Variants in FOXN3 observed in about 807,000 individuals in gnomAD.
FOXN3 encodes forkhead box protein N3.
In FOXN3, 7 loss-of-function variants were observed where a neutral mutation model predicts 38.4. The ratio of observed to expected loss-of-function variants is 0.18; its 90% CI spans 0.10 to 0.34. FOXN3 has a LOEUF of 0.34. Ranked by LOEUF, FOXN3 falls within the 10% of genes least tolerant of loss-of-function variation. The pLI is 1.00. For synonymous variants in FOXN3, 230 were observed against 242.2 expected, an observed-to-expected ratio of 0.95 and a Z score of 0.47; for missense variants, 456 against 613.4, an observed-to-expected ratio of 0.74 and a Z score of 2.71.
chr14:89,419,075 A>G (rs1891838092), upstream of FOXN3: 1 of 454,948 alleles, frequency 2.2e-6, no homozygotes, highest in Non-Finnish European at 4.4e-6. Flanking sequence ...GCCAAAGGTG[A>G]TTGTACATGG....
intron 4 of FOXN3, among the ~76,000 whole-genome samples, chr14:89,233,052 C>T (rs1884866131): frequency 6.6e-6 from 1 of 152,190 alleles, no homozygotes; most frequent in South Asian, 2.1e-4. Context: ...TCCTTTATGT[C>T]TTACTGATAG....
At chr14:89,231,739 G>A (rs1183083912) in intron 4 of FOXN3, among the ~76,000 whole-genome samples, 2 of 152,112 alleles carry the variant, frequency 1.3e-5, no homozygotes, top group African/African-American at 2.4e-5. Flanking sequence ...GCTCCAAATC[G>A]GACCTGCCTA....
At chr14:89,387,031 TGGATCACTTGAGGTCA>T (rs1474856588) in intron 2 of FOXN3, among the ~76,000 whole-genome samples, 1 of 152,070 alleles carries the variant, frequency 6.6e-6, no homozygotes, top group East Asian at 1.9e-4. Flanking sequence ...CCGAGGCAGG[TGGATCACTTGAGGTCA>T]GGAGTTCAAG....
chr14:89,601,877 A>G (rs1395510096), intron 1 of FOXN3, among the ~76,000 whole-genome samples: 1 of 152,156 alleles, frequency 6.6e-6, no homozygotes, highest in Non-Finnish European at 1.5e-5. Context: ...ACCTCAACAA[A>G]TATTTCCAGG....
At chr14:89,558,325 T>C (rs1162995472) in intron 1 of FOXN3, among the ~76,000 whole-genome samples, 2 of 152,124 alleles carry the variant, frequency 1.3e-5, no homozygotes, top group Non-Finnish European at 2.9e-5. Flanking sequence ...AGCCTGGACA[T>C]GATGACCGAA....
chr14:89,415,847 T>TACACAC (rs5810462), intron 1 of FOXN3, among the ~76,000 whole-genome samples: 3,194 of 140,476 alleles, frequency 0.023, 75 homozygotes, highest in East Asian at 0.079. Flanking sequence ...AACTTTTCTC[T>TACACAC]ACACACACAC....
At chr14:89,596,340 T>C (rs537887668) in intron 1 of FOXN3, among the ~76,000 whole-genome samples, 1 of 152,138 alleles carries the variant, frequency 6.6e-6, no homozygotes, top group Non-Finnish European at 1.5e-5. Flanking sequence ...TTTCACCATA[T>C]TGGCCAGGCT....
intron 4 of FOXN3, among the ~76,000 whole-genome samples, chr14:89,219,585 T>A (rs1157782088): frequency 2.6e-5 from 4 of 152,148 alleles, no homozygotes; most frequent in Non-Finnish European, 4.4e-5. Context: ...TCATCAAACA[T>A]CTGGCGAGTG....
intron 2 of FOXN3, among the ~76,000 whole-genome samples, chr14:89,371,911 G>A (rs145750581): frequency 1.3e-5 from 2 of 152,002 alleles, no homozygotes; most frequent in Non-Finnish European, 2.9e-5. Context: ...ACCCGTTCAG[G>A]TCCCGGGGGG....
chr14:89,422,383 C>A (rs1891932720), intron 1 of FOXN3, among the ~76,000 whole-genome samples: 1 of 152,158 alleles, frequency 6.6e-6, no homozygotes, highest in Non-Finnish European at 1.5e-5. Flanking sequence ...TCTGTGGACC[C>A]ACTTCAAGAC....
chr14:89,302,076 G>A (rs1222336445), intron 3 of FOXN3, among the ~76,000 whole-genome samples: 1 of 152,144 alleles, frequency 6.6e-6, no homozygotes, highest in East Asian at 1.9e-4. Context: ...CGAAATGGTT[G>A]GGAAGGCCAA....
At chr14:89,587,012 A>G (rs1895855195) in intron 1 of FOXN3, among the ~76,000 whole-genome samples, 1 of 152,274 alleles carries the variant, frequency 6.6e-6, no homozygotes. Flanking sequence ...GATCTCTTTT[A>G]AAGAACTGGC....
chr14:89,162,465 G>A lies in FOXN3; in HGVS notation c.1356C>T (p.Thr452=), dbSNP rs751164977. 3.7e-6 allele frequency: 6 copies of A among 1,600,622 alleles called. No individual in the cohort carries two copies. Among genetic ancestry groups the A allele is most frequent in the Admixed American group, 3.5e-5 (2 of 56,984 alleles). Residue 452 remains threonine, a synonymous_variant, in exon 6 of 6, where the codon ACC becomes ACT. Transcript: ENST00000557258. This position sits in a 1 kb window ranked among gnomAD's most constrained non-coding sequence, Gnocchi z 7.2. ...CTTTCTGCCCCTTTGCCGTCCGATT[G>A]GTGATGTTATTCAAACAGGACCGGA... The part of the protein sequence containing the change: ...AGIRSCLNNI[T]NRTAKGQKEQ...
chr14:89,509,469 G>C (rs1472864481), intron 1 of FOXN3, among the ~76,000 whole-genome samples: 1 of 152,150 alleles, frequency 6.6e-6, no homozygotes, highest in Non-Finnish European at 1.5e-5. Flanking sequence ...CAAGTAGGTG[G>C]GATTACAGGT....
At chr14:89,428,047 G>A (rs1892078512) in intron 1 of FOXN3, among the ~76,000 whole-genome samples, 1 of 152,194 alleles carries the variant, frequency 6.6e-6, no homozygotes, top group South Asian at 2.1e-4. Context: ...TCTTATCCAC[G>A]CCAAGAAATA....
intron 4 of FOXN3, among the ~76,000 whole-genome samples, chr14:89,264,324 G>C (rs1409584453): frequency 2.0e-5 from 3 of 152,154 alleles, no homozygotes; most frequent in African/African-American, 4.8e-5. Flanking sequence ...CATGGCAGCA[G>C]ACGAGAGAGA....
In FOXN3 at chr14:89,280,993, C is replaced by G; in HGVS notation, c.702G>C (p.Trp234Cys). Residue 234 changes from tryptophan to cysteine, a missense_variant, in exon 4 of 6, where the codon TGG becomes TGC. This residue lies in a region of FOXN3 where 386 missense variants were observed against 505.2 expected (regional missense o/e 0.76). Coordinates refer to ENST00000557258, the MANE Select transcript of FOXN3 (RefSeq NM_005197.4). ...TTCTCTTGAAGAAGGTACTGCCCGG[C>G]CAGATGGGTGGACCTGATGTGCTGA... ...AYQSTSGPPI[W>C]PGSTFFKRNG... 1 of 1,613,750 alleles carries G rather than the reference C, an allele frequency of 6.2e-7. No individual in the cohort carries two copies. The highest frequency in any genetic ancestry group is 1.1e-5 in the South Asian group (1 of 90,938).
chr14:89,425,529 G>A lies in FOXN3; in HGVS notation c.-14-13039C>T, dbSNP rs561092408. ...ATTACAGGCTTGTGCCACCATGCCC[G>A]GCTAATTTTTTTTTTTAATAGACAC... On this transcript the variant is annotated intron_variant, in intron 1 of 6. Coordinates refer to the FOXN3 transcript ENST00000345097. Among the ~76,000 whole-genome samples, 685 of 95,346 alleles carry A rather than the reference G, an allele frequency of 7.2e-3. 7 individuals are homozygous for A. Among genetic ancestry groups the A allele is most frequent in the African/African-American group, 0.021 (630 of 29,840 alleles). 62.6% of individuals were successfully genotyped at this position (95,346 alleles called of 152,430 possible). A position where few individuals can be genotyped will look rare whatever the true frequency, so the allele number is the denominator to read the frequency against.
In FOXN3 at chr14:89,354,852, C is replaced by T. The variant is rs187729893; in HGVS notation, c.544-4044G>A. On this transcript the variant is annotated intron_variant, in intron 2 of 5. Transcript: ENST00000557258. Reference sequence around the variant, plus strand: ...CCTGGGTGACAGAGTGAGACTCCGTCTCAAAAAATAAATAAATAAATAAAT... The same window carrying T: ...CCTGGGTGACAGAGTGAGACTCCGTTTCAAAAAATAAATAAATAAATAAAT... Among the ~76,000 whole-genome samples, 717 of 149,654 alleles carry T rather than the reference C, an allele frequency of 4.8e-3. 4 individuals carry two copies. Among genetic ancestry groups the T allele is most frequent in the African/African-American group, 0.016 (666 of 41,214 alleles).
Sources: gnomAD v4.1 joint callset for allele counts (sites outside exome capture counted in the v4.1 genomes callset) on GRCh38, gnomAD v4.1.1 for gene constraint, gnomAD v4.1.1 regional missense constraint, Gnocchi (gnomAD v3.1) non-coding constraint, MANE v1.5 for transcripts, NCBI Gene and HGNC (gene_info 2026-07-23, HGNC 2026-07-21) for gene names.